PTPRG: variants seen among roughly 807,000 people sequenced by gnomAD.
PTPRG encodes protein tyrosine phosphatase receptor type G, also known as receptor-type tyrosine-protein phosphatase gamma.
A neutral mutation model predicts 165.3 loss-of-function variants in PTPRG; 102 were observed. The observed-to-expected ratio is 0.62, with a 90% CI of 0.53 to 0.73. The LOEUF (loss-of-function observed/expected upper bound fraction) is 0.73. Among genes scored for constraint, PTPRG ranks in the 30% least tolerant of loss-of-function variants. PTPRG has a pLI of 0.00. For synonymous variants in PTPRG, 675 were observed against 669.5 expected (o/e 1.01, Z -0.13); for missense variants, 1,866 against 1,861.4 (o/e 1.00, Z -0.05).
intron 6 of PTPRG, among the ~76,000 whole-genome samples, chr3:62,143,500 T>C (rs1704004702): frequency 6.6e-6 from 1 of 151,862 alleles, no homozygotes; most frequent in Non-Finnish European, 1.5e-5. Context: ...GTGCTGAGGG[T>C]AAAATGAACA....
rs556151785 is a variant in PTPRG at position 61,636,383 on chromosome 3, C to T, written c.85+74011C>T. Among the ~76,000 whole-genome samples the T allele has an allele frequency of 5.3e-5, 8 of 152,334 alleles. No homozygotes were observed. In the East Asian group the frequency reaches 5.8e-4, roughly 11 times the overall value. On this transcript the variant is annotated intron_variant, in intron 1 of 29. Transcript: ENST00000474889. Reference sequence around the variant, plus strand: ...TCTACTAATTACTATCTTATAAATTCGCCTATTCTGGACATTTCATTTAAT... The same window carrying T: ...TCTACTAATTACTATCTTATAAATTTGCCTATTCTGGACATTTCATTTAAT...
chr3:61,726,496 A>G (rs543487272), intron 1 of PTPRG, among the ~76,000 whole-genome samples: 3 of 152,322 alleles, frequency 2.0e-5, no homozygotes, highest in African/African-American at 7.2e-5. Context: ...TAACACAAAA[A>G]AATTGCTAAA....
chr3:61,940,199 G>A (rs1045530235), intron 2 of PTPRG, among the ~76,000 whole-genome samples: 2 of 152,152 alleles, frequency 1.3e-5, no homozygotes, highest in Non-Finnish European at 1.5e-5. Context: ...CACCTGCCTC[G>A]CTGGGTGGAT....
At chr3:61,755,031 G>A (rs2033586627) in intron 2 of PTPRG, among the ~76,000 whole-genome samples, 1 of 149,928 alleles carries the variant, frequency 6.7e-6, no homozygotes, top group Admixed American at 6.7e-5. Context: ...TTACCCTGTT[G>A]CCCAGATCTC....
At chr3:61,995,243 CA>C (rs1377195917) in intron 3 of PTPRG, among the ~76,000 whole-genome samples, 2 of 151,848 alleles carry the variant, frequency 1.3e-5, no homozygotes, top group African/African-American at 2.4e-5. Context: ...TGCATGCCAC[CA>C]AGCCAAGTTC....
Position 61,681,809 on chromosome 3 carries a change from G to A in PTPRG, c.86-67069G>A, listed in dbSNP as rs1703450712. Among the ~76,000 whole-genome samples the A allele has an allele frequency of 2.0e-5, 3 of 152,080 alleles. No individual in the cohort carries two copies. The South Asian group carries it at 6.2e-4, about 32-fold the overall frequency. On this transcript the variant is annotated intron_variant, in intron 1 of 29. Transcript: ENST00000474889. ...TGGATTAGTAATGTTGTTGACCATG[G>A]AGGAAAATTGAAAAAAGATGTTGGC... is the stretch of plus-strand genomic sequence containing the variant.
At chr3:61,652,135 C>G (rs2106987665) in intron 1 of PTPRG, among the ~76,000 whole-genome samples, 1 of 152,138 alleles carries the variant, frequency 6.6e-6, no homozygotes. Context: ...TGGTAAAACC[C>G]CATCTCTACT....
chr3:62,032,669 A>T (rs1393689241), intron 4 of PTPRG, among the ~76,000 whole-genome samples: 2 of 152,212 alleles, frequency 1.3e-5, no homozygotes, highest in African/African-American at 2.4e-5. Flanking sequence ...ATGCAGTGAA[A>T]GTTAAATTTC....
chr3:62,135,270 C>CAA (rs527679334), intron 6 of PTPRG, among the ~76,000 whole-genome samples: 6 of 81,128 alleles, frequency 7.4e-5, no homozygotes, highest in South Asian at 4.0e-4. Context: ...GATTCTGTCT[C>CAA]AAAAAAAAAA....
At chr3:61,875,645 G>GCACACACACACGGCA (rs2037717960) in intron 2 of PTPRG, among the ~76,000 whole-genome samples, 1 of 151,812 alleles carries the variant, frequency 6.6e-6, no homozygotes, top group African/African-American at 2.4e-5. Context: ...ATGCACATGC[G>GCACACACACACGGCA]CACACACACA....
rs114119498 is a variant in PTPRG, at chr3:62,264,990, C to T, written c.2656+2096C>T. On this transcript the variant is annotated intron_variant, in intron 17 of 29. Transcript: ENST00000474889. The stretch of plus-strand genomic sequence containing the variant: ...AAAAAAAAAAAACAGCCTTCCTAAC[C>T]GGTATGAAGTGGTATCCTATTGTAG... Among the ~76,000 whole-genome samples, 1,464 of 151,452 alleles carry T rather than the reference C, an allele frequency of 9.7e-3. 8 individuals carry two copies. Among genetic ancestry groups the T allele is most frequent in the Middle Eastern group, 0.031 (9 of 288 alleles).
intron 2 of PTPRG, among the ~76,000 whole-genome samples, chr3:61,773,548 T>C (rs2034276876): frequency 6.6e-6 from 1 of 152,176 alleles, no homozygotes; most frequent in South Asian, 2.1e-4. Flanking sequence ...ATTTCTTTTG[T>C]GTAAAAGTGT....
At chr3:61,754,245 TCC>T (rs1266740374) in intron 2 of PTPRG, among the ~76,000 whole-genome samples, 1 of 152,186 alleles carries the variant, frequency 6.6e-6, no homozygotes, top group East Asian at 1.9e-4. Context: ...TCTCCAACTG[TCC>T]TGGGATTTGA....
intron 2 of PTPRG, among the ~76,000 whole-genome samples, chr3:61,973,653 G>A (rs2040433827): frequency 6.6e-6 from 1 of 151,942 alleles, no homozygotes; most frequent in Non-Finnish European, 1.5e-5. Flanking sequence ...CCAACGTGGT[G>A]AAACCTCATC....
At chr3:61,941,521 G>C (rs1388670794) in intron 2 of PTPRG, among the ~76,000 whole-genome samples, 5 of 152,216 alleles carry the variant, frequency 3.3e-5, no homozygotes, top group African/African-American at 1.2e-4. Flanking sequence ...TGCTTGGGAG[G>C]CTGAGGCAGG....
chr3:62,203,643 G>A lies in PTPRG; in HGVS notation c.1848G>A (p.Glu616=). The change falls in exon 12 of 30, where the codon GAG becomes GAA. Residue 616 remains glutamate, a synonymous_variant. Coordinates refer to ENST00000474889, the MANE Select transcript of PTPRG (RefSeq NM_002841.4). This position sits in a 1 kb window ranked among gnomAD's most constrained non-coding sequence, Gnocchi z 6.4. ...AGAGTGGGGTGACCCACGCTGCCGAGGAGCGGAATCAGACGGAGCCCAGCC... is the reference window on the plus strand; with the variant it reads ...AGAGTGGGGTGACCCACGCTGCCGAAGAGCGGAATCAGACGGAGCCCAGCC... The part of the protein sequence containing the change: ...KEKSGVTHAA[E]ERNQTEPSPT... 6.4e-7 allele frequency: 1 copy of A among 1,559,412 alleles called. No homozygotes were observed. Among genetic ancestry groups the A allele is most frequent in the Non-Finnish European group, 8.7e-7 (1 of 1,151,076 alleles).
Position 61,562,121 on chromosome 3 carries a change from C to A in PTPRG, c.-167C>A. On this transcript the variant is annotated 5_prime_UTR_variant, in exon 1 of 30. Coordinates refer to ENST00000474889, the MANE Select transcript of PTPRG (RefSeq NM_002841.4). ...TTTTTGAGATTTTCCGGGGGGCGCTCGGCGGCTTCCCGGATTCCAAGGGGA... is the reference window on the plus strand; with the variant it reads ...TTTTTGAGATTTTCCGGGGGGCGCTAGGCGGCTTCCCGGATTCCAAGGGGA... The A allele has an allele frequency of 1.9e-6, 1 of 534,538 alleles. No homozygotes were observed. The highest frequency in any genetic ancestry group is 2.0e-5 in the South Asian group (1 of 48,796). 33.1% of individuals were successfully genotyped at this position (534,538 alleles called of 1,614,324 possible). A position where few individuals can be genotyped will look rare whatever the true frequency, so the allele number is the denominator to read the frequency against.
chr3:61,848,761 C>T (rs2687146), intron 2 of PTPRG, among the ~76,000 whole-genome samples: 152,323 of 152,338 alleles, frequency 1, 76,154 homozygotes, highest in Middle Eastern at 1. Context: ...AAGACACACC[C>T]ACACACATGT....
chr3:62,255,205 A>G lies in PTPRG; in HGVS notation c.2549A>G (p.Glu850Gly), dbSNP rs769297593. ...LYSNNQHGFS[E>G]DFEEVQRCTA... ...TCTAATAACCAGCATGGGTTCTCTG[A>G]GGATTTTGAGGTATGTTTCAAGGCT... Residue 850 changes from glutamate to glycine, a missense_variant, in exon 16 of 30, where the codon GAG (glutamate) becomes GGG (glycine). Physicochemically the swap from Glu to Gly is moderately conservative, Grantham distance 98. This residue lies in a region of PTPRG where 1,452 missense variants were observed against 1,463.0 expected (regional missense o/e 0.99). Transcript: ENST00000474889. This position sits in a 1 kb window ranked among gnomAD's most constrained non-coding sequence, Gnocchi z 4.0. 6.2e-7 allele frequency: 1 copy of G among 1,611,086 alleles called. No individual in the cohort carries two copies. The highest frequency in any genetic ancestry group is 1.1e-5 in the South Asian group (1 of 90,720).
Sources: allele counts gnomAD v4.1 joint callset (sites outside exome capture counted in the v4.1 genomes callset), GRCh38; gene constraint gnomAD v4.1.1; regional missense constraint gnomAD v4.1.1; non-coding constraint Gnocchi (gnomAD v3.1); transcripts MANE v1.5; gene names NCBI Gene and HGNC (gene_info 2026-07-23, HGNC 2026-07-21).